Variants in POM121C observed in about 807,000 individuals in gnomAD.
POM121C encodes the protein nuclear envelope pore membrane protein POM 121C.
A neutral mutation model predicts 66.4 loss-of-function variants in POM121C; 20 were observed. That is an observed-to-expected ratio of 0.30 (90% CI 0.21 to 0.44). POM121C has a LOEUF of 0.44. Among genes scored for constraint, POM121C ranks in the 20% least tolerant of loss-of-function variants. POM121C has a pLI of 1.00. For missense variants in POM121C, 580 were observed against 1,225.7 expected (o/e 0.47, Z 7.87); for synonymous variants, 286 against 528.0 (o/e 0.54, Z 6.28).
intron 3 of POM121C, among the ~76,000 whole-genome samples, chr7:75,463,813 C>T (rs2116489340): frequency 6.6e-6 from 1 of 152,186 alleles, no homozygotes; most frequent in East Asian, 1.9e-4. Context: ...CTGCCTCAAC[C>T]TCCTGAGTAG....
chr7:75,424,142 A>T lies in POM121C; in HGVS notation c.955T>A (p.Ser319Thr). 1 of 1,611,844 alleles carries T rather than the reference A, an allele frequency of 6.2e-7. No homozygotes were observed. Among genetic ancestry groups the T allele is most frequent in the Non-Finnish European group, 8.5e-7 (1 of 1,179,844 alleles). Residue 319 changes from serine to threonine, a missense_variant, in exon 12 of 15, where the codon TCC becomes ACC. Transcript: ENST00000615331. ...GGGGCCAGGAGGGAGGTGGGTGGGGAGGCAGTTGCAGCAGCAGGCAGGGTA... is the reference window on the plus strand; with the variant it reads ...GGGGCCAGGAGGGAGGTGGGTGGGGTGGCAGTTGCAGCAGCAGGCAGGGTA... ...TFTLPAAATA[S>T]PPTSLLAPST...
rs1257521987 is a variant in POM121C, at chr7:75,478,060, G to A, written c.-457-2872C>T. On this transcript the variant is annotated intron_variant, in intron 1 of 14. Coordinates refer to ENST00000615331, the MANE Select transcript of POM121C (RefSeq NM_001099415.3). ...TGGCTCACTGCAACCTCTGTCTCCC[G>A]GGTTCCAGCAATTCTTCTGCCTCAG... Among the ~76,000 whole-genome samples the A allele has an allele frequency of 3.9e-4, 59 of 152,060 alleles. 1 individual carries two copies. Among genetic ancestry groups the A allele is most frequent in the African/African-American group, 2.4e-4 (10 of 41,406 alleles).
intron 3 of POM121C, among the ~76,000 whole-genome samples, chr7:75,463,769 T>C (rs1245931256): frequency 3.3e-5 from 5 of 152,112 alleles, no homozygotes; most frequent in African/African-American, 2.4e-5. Flanking sequence ...CTCGGCTCAC[T>C]GCAACCTCCA....
In POM121C at chr7:75,441,560, T is replaced by C. The variant is rs1554474012; in HGVS notation, c.-64A>G. On this transcript the variant is annotated 5_prime_UTR_variant, in exon 4 of 15. Transcript: ENST00000615331. ...AACCATTCCAGCACACTGTGGGAAG[T>C]ACCCCCGGACAGGAATACTGGGTCT... is the stretch of plus-strand genomic sequence containing the variant. The C allele has an allele frequency of 6.8e-6, 11 of 1,612,680 alleles. No homozygotes were observed. The highest frequency in any genetic ancestry group is 3.3e-5 in the Admixed American group (2 of 59,810).
At chr7:75,460,450 C>T (rs1190405196) in intron 3 of POM121C, among the ~76,000 whole-genome samples, 75 of 151,900 alleles carry the variant, frequency 4.9e-4, no homozygotes, top group African/African-American at 1.6e-3. Flanking sequence ...TGCAGTGGGC[C>T]GTGACTGCAC....
chr7:75,453,994 A>C (rs1219549459), intron 3 of POM121C, among the ~76,000 whole-genome samples: 1 of 152,260 alleles, frequency 6.6e-6, no homozygotes, highest in Non-Finnish European at 1.5e-5. Flanking sequence ...TTCCATGACA[A>C]CACAGCAGAA....
chr7:75,454,612 G>C (rs1265501514), intron 3 of POM121C, among the ~76,000 whole-genome samples: 1 of 152,208 alleles, frequency 6.6e-6, no homozygotes, highest in Non-Finnish European at 1.5e-5. Flanking sequence ...GGGAAAAGCT[G>C]CATGGTCTAG....
intron 3 of POM121C, chr7:75,442,115 G>T: frequency 7.3e-7 from 1 of 1,371,072 alleles, no homozygotes. Context: ...CCGAGCCAGA[G>T]GATGATCTGG....
chr7:75,466,415 G>T (rs1450575301), intron 3 of POM121C, among the ~76,000 whole-genome samples: 2 of 151,740 alleles, frequency 1.3e-5, no homozygotes, highest in African/African-American at 4.8e-5. Context: ...ACACCAGCCT[G>T]GCCAACATGG....
At chr7:75,442,687 G>A (rs781992630) in intron 3 of POM121C, 110 of 1,408,258 alleles carry the variant, frequency 7.8e-5, no homozygotes, top group Non-Finnish European at 3.6e-5. Flanking sequence ...GCCGCCGCTC[G>A]CCTGCTCCAG....
chr7:75,481,048 A>ATAAAT (rs1792291063), intron 1 of POM121C, among the ~76,000 whole-genome samples: 1 of 128,078 alleles, frequency 7.8e-6, no homozygotes, highest in South Asian at 2.5e-4. Context: ...TATATATATA[A>ATAAAT]ATATATATAT....
In POM121C at chr7:75,441,513, G is replaced by A. The variant is rs373007139; in HGVS notation, c.-17C>T. 10 of 1,613,764 alleles carry A rather than the reference G, an allele frequency of 6.2e-6. No individual in the cohort carries two copies. The highest frequency in any genetic ancestry group is 3.3e-5 in the South Asian group (3 of 91,066). ...ACACACCATCCTGGAGTTGCGAGGGGACAGCACAGCCTTCTTGTGATAACC... is the reference window on the plus strand; with the variant it reads ...ACACACCATCCTGGAGTTGCGAGGGAACAGCACAGCCTTCTTGTGATAACC... On this transcript the variant is annotated 5_prime_UTR_variant, in exon 4 of 15. Transcript: ENST00000615331.
intron 3 of POM121C, among the ~76,000 whole-genome samples, chr7:75,473,967 C>A (rs1169582852): frequency 6.6e-6 from 1 of 152,088 alleles, no homozygotes; most frequent in African/African-American, 2.4e-5. Flanking sequence ...GGATTACAGG[C>A]GTTAGCCACC....
chr7:75,476,346 C>T (rs756853447), intron 1 of POM121C, among the ~76,000 whole-genome samples: 1 of 152,114 alleles, frequency 6.6e-6, no homozygotes, highest in Non-Finnish European at 1.5e-5. Flanking sequence ...ATCCACCTGC[C>T]TTGGCCTCCC....
chr7:75,460,250 AG>A (rs1422170277), intron 3 of POM121C, among the ~76,000 whole-genome samples: 1 of 143,660 alleles, frequency 7.0e-6, no homozygotes, highest in African/African-American at 2.9e-5. Context: ...CCAGCACATT[AG>A]GGGGCCGAGG....
intron 3 of POM121C, among the ~76,000 whole-genome samples, chr7:75,447,577 A>T (rs1222989152): frequency 6.6e-6 from 1 of 151,928 alleles, no homozygotes; most frequent in Non-Finnish European, 1.5e-5. Context: ...TTTTATGCCC[A>T]ATGAAAATAT....
intron 7 of POM121C, among the ~76,000 whole-genome samples, chr7:75,436,092 T>C (rs1179548496): frequency 6.6e-6 from 1 of 150,892 alleles, no homozygotes; most frequent in Non-Finnish European, 1.5e-5. Flanking sequence ...ATCAAAGTAA[T>C]TATAAACCAA....
chr7:75,424,452 C>T, intron 11 of POM121C, 74 bp downstream of exon 11: 1 of 1,559,942 alleles, frequency 6.4e-7, no homozygotes, highest in Non-Finnish European at 8.8e-7. Flanking sequence ...ACCCATTTTT[C>T]CAAACACCAA....
chr7:75,436,859 G>A (rs1554473070), intron 7 of POM121C, among the ~76,000 whole-genome samples: 1 of 151,316 alleles, frequency 6.6e-6, no homozygotes, highest in Non-Finnish European at 1.5e-5. Flanking sequence ...GGGCTCAAGA[G>A]GTTCTCCCAC....
Sources: gnomAD v4.1 joint callset for allele counts (sites outside exome capture counted in the v4.1 genomes callset) on GRCh38, gnomAD v4.1.1 for gene constraint, MANE v1.5 for transcripts, NCBI Gene and HGNC (gene_info 2026-07-23, HGNC 2026-07-21) for gene names.